PKIB: variants seen among roughly 807,000 people sequenced by gnomAD.
PKIB encodes cAMP-dependent protein kinase inhibitor beta.
Under a neutral mutation model 4.5 loss-of-function variants are expected in PKIB, and 2 were observed. That is an observed-to-expected ratio of 0.44 (90% CI 0.18 to 1.39). The LOEUF is 1.39. Among genes scored for constraint, PKIB ranks in the 40% most tolerant of loss-of-function variants. PKIB has a pLI of 0.27. For synonymous variants in PKIB, 38 were observed against 36.0 expected (o/e 1.06, Z -0.20); for missense variants, 94 against 92.6 (o/e 1.02, Z -0.06).
At chr6:122,700,322 G>T (rs1778761296) in intron 3 of PKIB, among the ~76,000 whole-genome samples, 1 of 148,404 alleles carries the variant, frequency 6.7e-6, no homozygotes, top group African/African-American at 2.5e-5. Context: ...GGTGGTGTGG[G>T]ATCCTCTTTA....
chr6:122,502,992 T>C (rs1582661858), intron 2 of PKIB, among the ~76,000 whole-genome samples: 2 of 152,186 alleles, frequency 1.3e-5, no homozygotes, highest in African/African-American at 4.8e-5. Flanking sequence ...GATCAAAGCA[T>C]GGGCAGATTT....
At position 122,698,801 on chromosome 6, in the gene PKIB, A is replaced by C. The variant is rs141917809; in HGVS notation, c.-8-18986A>C. On this transcript the variant is annotated intron_variant, in intron 3 of 4. Transcript: ENST00000368452. Reference sequence around the variant, plus strand: ...AAAGAATATGTTGTCTCCAGAACCCAAAAAAGACTAAAAGATGTTGGACTT... The same window carrying C: ...AAAGAATATGTTGTCTCCAGAACCCCAAAAAGACTAAAAGATGTTGGACTT... 3.1e-3 allele frequency among the ~76,000 whole-genome samples: 474 copies of C among 152,284 alleles called. 2 individuals are homozygous for C. The highest frequency in any genetic ancestry group is 6.8e-3 in the Middle Eastern group (2 of 292).
intron 3 of PKIB, chr6:122,701,610 T>C: frequency 7.6e-7 from 1 of 1,323,422 alleles, no homozygotes; most frequent in Non-Finnish European, 1.1e-6. Context: ...CAGTTAGCAG[T>C]TCTGTCTCAG....
chr6:122,526,078 A>C (rs1777085044), intron 2 of PKIB, among the ~76,000 whole-genome samples: 2 of 152,188 alleles, frequency 1.3e-5, no homozygotes, highest in Admixed American at 1.3e-4. Flanking sequence ...TTTTATGCTC[A>C]TTCCTTAAAA....
intron 2 of PKIB, among the ~76,000 whole-genome samples, chr6:122,495,391 ACCCCCACAGGCCTGTAATAT>A (rs1026553636): frequency 6.6e-6 from 1 of 151,522 alleles, no homozygotes; most frequent in Non-Finnish European, 1.5e-5. Flanking sequence ...TGAAAGCCCA[ACCCCCACAGGCCTGTAATAT>A]CCCCTCAGAT....
intron 4 of PKIB, among the ~76,000 whole-genome samples, chr6:122,722,795 T>A (rs1055073517): frequency 1.3e-5 from 2 of 152,154 alleles, no homozygotes; most frequent in African/African-American, 4.8e-5. Context: ...CATTTCTGTT[T>A]TGTAACAAAA....
intron 1 of PKIB, among the ~76,000 whole-genome samples, chr6:122,629,886 G>A (rs189217218): frequency 1.3e-5 from 2 of 152,256 alleles, no homozygotes; most frequent in Non-Finnish European, 2.9e-5. Flanking sequence ...ATGACTACAC[G>A]TAATGCGGTA....
chr6:122,562,190 G>A (rs567682146), intron 2 of PKIB, among the ~76,000 whole-genome samples: 5 of 151,814 alleles, frequency 3.3e-5, no homozygotes, highest in South Asian at 4.2e-4. Flanking sequence ...GTCTGAAAAC[G>A]ACTGTATCTT....
Position 122,646,039 on chromosome 6 carries a change from C to A in PKIB, c.-76+12672C>A, listed in dbSNP as rs138334290. Among the ~76,000 whole-genome samples, 14 of 152,094 alleles carry A rather than the reference C, an allele frequency of 9.2e-5. 1 individual carries two copies. Among genetic ancestry groups the A allele is most frequent in the Middle Eastern group, 6.8e-3 (2 of 294 alleles). ...AACTTCCTGCGGTTGAAACTGCTCA[C>A]ATGGGGCCTAGGCGAAGTGAAGCAC... On this transcript the variant is annotated intron_variant, in intron 2 of 4. Coordinates refer to ENST00000368452, the MANE Select transcript of PKIB (RefSeq NM_181795.3).
intron 1 of PKIB, among the ~76,000 whole-genome samples, chr6:122,612,896 A>T (rs1323515446): frequency 2.0e-5 from 3 of 152,272 alleles, no homozygotes; most frequent in South Asian, 2.1e-4. Flanking sequence ...TATATATATA[A>T]AAATTTAAAA....
chr6:122,538,029 G>A (rs1777461530), intron 2 of PKIB, among the ~76,000 whole-genome samples: 1 of 151,754 alleles, frequency 6.6e-6, no homozygotes, highest in South Asian at 2.1e-4. Flanking sequence ...GGGGTTGTTT[G>A]TTTTTTTCTT....
intron 2 of PKIB, among the ~76,000 whole-genome samples, chr6:122,507,914 G>T (rs1776462902): frequency 6.6e-6 from 1 of 151,940 alleles, no homozygotes; most frequent in South Asian, 2.1e-4. Flanking sequence ...TTTGGGAGAT[G>T]TTTAAAAAAA....
intron 2 of PKIB, among the ~76,000 whole-genome samples, chr6:122,561,113 TC>T (rs1337466337): frequency 3.3e-5 from 5 of 152,062 alleles, no homozygotes; most frequent in Non-Finnish European, 7.4e-5. Flanking sequence ...TTTCTCTAGT[TC>T]CTTGAGGTAT....
chr6:122,583,747 ATTAGT>A (rs1773772638), intron 2 of PKIB, among the ~76,000 whole-genome samples: 1 of 152,216 alleles, frequency 6.6e-6, no homozygotes. Flanking sequence ...CCCATTCTAG[ATTAGT>A]TTATTCATTT....
chr6:122,576,689 A>AAAAAAAAAATATATATAT (rs1345822382), intron 2 of PKIB, among the ~76,000 whole-genome samples: 2 of 34,312 alleles, frequency 5.8e-5, no homozygotes, highest in African/African-American at 1.3e-4. Flanking sequence ...AAAAAAAAAA[A>AAAAAAAAAATATATATAT]ATATATATAT....
chr6:122,542,445 C>T (rs1777635114), intron 2 of PKIB, among the ~76,000 whole-genome samples: 3 of 152,066 alleles, frequency 2.0e-5, no homozygotes, highest in African/African-American at 4.8e-5. Flanking sequence ...TGCTAGAGGT[C>T]CACTCCAGAC....
intron 1 of PKIB, among the ~76,000 whole-genome samples, chr6:122,476,593 G>A (rs1042818755): frequency 1.3e-5 from 2 of 152,076 alleles, no homozygotes; most frequent in East Asian, 1.9e-4. Flanking sequence ...TGAAATAGAT[G>A]TCTACAAAAA....
chr6:122,718,120 A>T (rs1467499120), intron 4 of PKIB, among the ~76,000 whole-genome samples, 157 bp downstream of exon 4: 16 of 152,216 alleles, frequency 1.1e-4, no homozygotes, highest in Admixed American at 1.0e-3. Context: ...GTAGATGTTC[A>T]GCCTTTTCCA....
chr6:122,498,478 T>C (rs1776137525), intron 2 of PKIB, among the ~76,000 whole-genome samples: 1 of 152,162 alleles, frequency 6.6e-6, no homozygotes, highest in Non-Finnish European at 1.5e-5. Context: ...CAAATGACTT[T>C]TGGGTAAACA....
Sources: gnomAD v4.1 joint callset for allele counts (sites outside exome capture counted in the v4.1 genomes callset) on GRCh38, gnomAD v4.1.1 for gene constraint, MANE v1.5 for transcripts, NCBI Gene and HGNC (gene_info 2026-07-23, HGNC 2026-07-21) for gene names.